The following MIR2052HG variants were observed in gnomAD, a reference collection of about 807,000 sequenced individuals.
MIR2052HG encodes the protein MIR2052 host gene.
intron 4 of MIR2052HG, among the ~76,000 whole-genome samples, chr8:74,747,558 T>C (rs1020223570): frequency 1.3e-5 from 2 of 152,162 alleles, no homozygotes; most frequent in Non-Finnish European, 2.9e-5. Flanking sequence ...CATTTGTGAA[T>C]CGTGTTATTC....
chr8:74,621,182 TCCAAATCTTC>T (rs1424744074), intron 2 of MIR2052HG, among the ~76,000 whole-genome samples: 1 of 152,176 alleles, frequency 6.6e-6, no homozygotes, highest in African/African-American at 2.4e-5. Flanking sequence ...TCTAGGAAGC[TCCAAATCTTC>T]CCACATCTTC....
chr8:74,712,982 G>A (rs1046288505), intron 4 of MIR2052HG, among the ~76,000 whole-genome samples: 2 of 152,126 alleles, frequency 1.3e-5, no homozygotes, highest in African/African-American at 2.4e-5. Context: ...AAGCACATAC[G>A]CCAAGAGGAT....
At chr8:74,755,217 A>G (rs1226139939) in intron 5 of MIR2052HG, among the ~76,000 whole-genome samples, 2 of 152,186 alleles carry the variant, frequency 1.3e-5, no homozygotes, top group African/African-American at 4.8e-5. Flanking sequence ...ATTCAACACA[A>G]TTTTATTTTG....
chr8:74,656,631 G>A (rs1354001324), intron 2 of MIR2052HG, among the ~76,000 whole-genome samples: 1 of 152,034 alleles, frequency 6.6e-6, no homozygotes, highest in East Asian at 1.9e-4. Context: ...TCCCAGTCTT[G>A]GGTATGTCTT....
At chr8:74,695,957 C>T (rs79331773) in intron 2 of MIR2052HG, among the ~76,000 whole-genome samples, 3,612 of 152,130 alleles carry the variant, frequency 0.024, 145 homozygotes, top group African/African-American at 0.082. Context: ...TTAAACTATA[C>T]CCTAGAACAA....
intron 4 of MIR2052HG, among the ~76,000 whole-genome samples, chr8:74,720,157 C>T (rs1268641124): frequency 6.6e-6 from 1 of 152,050 alleles, no homozygotes; most frequent in Non-Finnish European, 1.5e-5. Flanking sequence ...GCTTCAGTGC[C>T]CCTTCTTACA....
At chr8:74,669,486 A>G (rs1480767282) in intron 2 of MIR2052HG, among the ~76,000 whole-genome samples, 1 of 152,198 alleles carries the variant, frequency 6.6e-6, no homozygotes, top group Admixed American at 6.5e-5. Context: ...GAGAGATCTT[A>G]TCTAAGACTT....
At chr8:74,749,673 A>G (rs200156382) in intron 4 of MIR2052HG, among the ~76,000 whole-genome samples, 1 of 151,868 alleles carries the variant, frequency 6.6e-6, no homozygotes, top group African/African-American at 2.4e-5. Flanking sequence ...ACATGGTGAA[A>G]CCCTGCCTCC....
intron 2 of MIR2052HG, among the ~76,000 whole-genome samples, chr8:74,643,217 CAG>C (rs1403161407): frequency 6.6e-6 from 1 of 152,154 alleles, no homozygotes; most frequent in Non-Finnish European, 1.5e-5. Context: ...CTTGTGCATT[CAG>C]TAATGGTTTT....
chr8:74,727,682 A>T (rs190898348), intron 4 of MIR2052HG, among the ~76,000 whole-genome samples: 1 of 152,226 alleles, frequency 6.6e-6, no homozygotes, highest in East Asian at 1.9e-4. Context: ...AGCAGTTATT[A>T]TGCATCTACT....
At chr8:74,707,316 TAC>T (rs1324985339) in intron 4 of MIR2052HG, among the ~76,000 whole-genome samples, 1 of 152,104 alleles carries the variant, frequency 6.6e-6, no homozygotes, top group East Asian at 1.9e-4. Context: ...TTCTTCAGAA[TAC>T]ACCCATGCTG....
At chr8:74,718,294 T>A (rs891075906) in intron 4 of MIR2052HG, among the ~76,000 whole-genome samples, 8 of 152,110 alleles carry the variant, frequency 5.3e-5, no homozygotes, top group Admixed American at 5.2e-4. Flanking sequence ...AAAAGAGCAG[T>A]TTAGACCAGA....
chr8:74,713,258 C>G (rs1371562518), intron 4 of MIR2052HG, among the ~76,000 whole-genome samples: 1 of 152,180 alleles, frequency 6.6e-6, no homozygotes, highest in African/African-American at 2.4e-5. Flanking sequence ...AATTTGTTCA[C>G]TCTCTCAATC....
chr8:74,729,968 A>G (rs1198750030), intron 4 of MIR2052HG, among the ~76,000 whole-genome samples: 2 of 152,182 alleles, frequency 1.3e-5, no homozygotes, highest in African/African-American at 4.8e-5. Context: ...AAACTTTGGG[A>G]AAATGGTGGA....
At chr8:74,618,029 C>G (rs1808309336) in intron 2 of MIR2052HG, among the ~76,000 whole-genome samples, 1 of 152,210 alleles carries the variant, frequency 6.6e-6, no homozygotes, top group African/African-American at 2.4e-5. Flanking sequence ...ACAAGACTCA[C>G]CTTCTCAACT....
chr8:74,680,135 T>C (rs866493521), intron 2 of MIR2052HG, among the ~76,000 whole-genome samples: 2 of 152,184 alleles, frequency 1.3e-5, no homozygotes, highest in African/African-American at 4.8e-5. Flanking sequence ...TATAGAAAAG[T>C]AAATTACATT....
intron 1 of MIR2052HG, among the ~76,000 whole-genome samples, chr8:74,600,233 C>G (rs1235948345): frequency 2.0e-5 from 3 of 151,908 alleles, no homozygotes; most frequent in Admixed American, 6.6e-5. Flanking sequence ...TGTTCCTATT[C>G]GGCCATCTTG....
At chr8:74,718,132 ATTG>A (rs1809539056) in intron 4 of MIR2052HG, among the ~76,000 whole-genome samples, 1 of 152,172 alleles carries the variant, frequency 6.6e-6, no homozygotes, top group Non-Finnish European at 1.5e-5. Context: ...ATTTATTGGA[ATTG>A]TTGGGGCAAT....
At chr8:74,649,190 G>A (rs922834503) in intron 2 of MIR2052HG, among the ~76,000 whole-genome samples, 1 of 152,116 alleles carries the variant, frequency 6.6e-6, no homozygotes, top group Non-Finnish European at 1.5e-5. Context: ...AGAAAGAGAA[G>A]AAATAAATAA....
Sources: allele counts gnomAD v4.1 joint callset (sites outside exome capture counted in the v4.1 genomes callset), GRCh38; gene constraint gnomAD v4.1.1; transcripts MANE v1.5; gene names NCBI Gene and HGNC (gene_info 2026-07-23, HGNC 2026-07-21).